Variants in ADAM12 observed in about 807,000 individuals in gnomAD.
ADAM12 encodes the protein ADAM metallopeptidase domain 12.
A neutral mutation model predicts 106.4 loss-of-function variants in ADAM12; 70 were observed. That is an observed-to-expected ratio of 0.66 (90% CI 0.54 to 0.80). The LOEUF is 0.80. Ranked by LOEUF, ADAM12 falls within the 30% of genes least tolerant of loss-of-function variation. ADAM12 has a pLI of 0.00. For synonymous variants in ADAM12, 420 were observed against 433.5 expected (o/e 0.97, Z 0.39); for missense variants, 1,010 against 1,171.9 (o/e 0.86, Z 2.02).
intron 11 of ADAM12, among the ~76,000 whole-genome samples, chr10:126,079,685 G>A (rs1955175373): frequency 1.3e-5 from 2 of 152,172 alleles, no homozygotes; most frequent in Non-Finnish European, 1.5e-5. Context: ...AATAAAAAAT[G>A]CAATCTAGAC....
intron 21 of ADAM12, among the ~76,000 whole-genome samples, chr10:126,022,142 TAGG>T (rs1953779175): frequency 6.6e-6 from 1 of 152,170 alleles, no homozygotes. Context: ...CATGGAAACA[TAGG>T]AGATAGTTAG....
chr10:126,354,638 A>T (rs1855475844), intron 1 of ADAM12, among the ~76,000 whole-genome samples: 1 of 152,228 alleles, frequency 6.6e-6, no homozygotes, highest in African/African-American at 2.4e-5. Context: ...TTAGAGCTTT[A>T]ATGAGAAAAG....
At chr10:126,209,130 G>A (rs557079943) in intron 3 of ADAM12, among the ~76,000 whole-genome samples, 163 of 152,324 alleles carry the variant, frequency 1.1e-3, no homozygotes, top group African/African-American at 3.5e-3. Context: ...AATCTTGGCA[G>A]CAAGCCAAAA....
chr10:126,059,728 A>T (rs890507943), intron 14 of ADAM12, among the ~76,000 whole-genome samples: 2 of 152,230 alleles, frequency 1.3e-5, no homozygotes, highest in Admixed American at 1.3e-4. Flanking sequence ...GAAAAAACTA[A>T]CACATTTCGG....
chr10:126,042,613 G>A (rs1050328766), intron 18 of ADAM12, among the ~76,000 whole-genome samples: 7 of 152,182 alleles, frequency 4.6e-5, no homozygotes, highest in African/African-American at 9.7e-5. Flanking sequence ...CACTGCTGCC[G>A]TGACTGTCAC....
chr10:126,193,444 C>T (rs1352758914), intron 3 of ADAM12, among the ~76,000 whole-genome samples: 1 of 152,080 alleles, frequency 6.6e-6, no homozygotes, highest in Non-Finnish European at 1.5e-5. Flanking sequence ...ATTCCTGCCA[C>T]TGGTCAAATA....
At chr10:126,360,869 C>A (rs1000727124) in intron 1 of ADAM12, among the ~76,000 whole-genome samples, 10 of 152,134 alleles carry the variant, frequency 6.6e-5, no homozygotes, top group Non-Finnish European at 1.5e-5. Flanking sequence ...CAAGACTAGA[C>A]AATTTACAAA....
intron 2 of ADAM12, among the ~76,000 whole-genome samples, chr10:126,285,975 ATTTT>A (rs55733951): frequency 0.3 from 43,273 of 142,164 alleles, 6,332 homozygotes; most frequent in South Asian, 0.39. Context: ...TGATTTCCCT[ATTTT>A]TTTTTTTTTT....
intron 7 of ADAM12, 102 bp downstream of exon 7, chr10:126,109,673 A>G: frequency 1.0e-6 from 1 of 982,420 alleles, no homozygotes; most frequent in Admixed American, 2.2e-5. Context: ...TTAAGAGCAC[A>G]TAGGAAATGA....
At chr10:126,156,696 A>G (rs1956821930) in intron 3 of ADAM12, among the ~76,000 whole-genome samples, 2 of 152,204 alleles carry the variant, frequency 1.3e-5, no homozygotes, top group African/African-American at 4.8e-5. Context: ...AGCATCCTGC[A>G]AGGGAAAGGC....
At chr10:126,171,277 G>T (rs1380444) in intron 3 of ADAM12, among the ~76,000 whole-genome samples, 65,902 of 151,886 alleles carry the variant, frequency 0.43, 14,437 homozygotes, top group African/African-American at 0.46. Flanking sequence ...TTACCTTGTT[G>T]ATTTAATTAA....
In ADAM12 at chr10:126,066,773, A is replaced by G. The variant is rs1362674735; in HGVS notation, c.1357T>C (p.Cys453Arg). Residue 453 changes from cysteine (C) to arginine (R), a missense_variant, in exon 13 of 23, where the codon TGT (cysteine) becomes CGT (arginine). This residue lies in a region of ADAM12 where 615 missense variants were observed against 708.5 expected (regional missense o/e 0.87). Coordinates refer to ENST00000448723, the MANE Select transcript of ADAM12 (RefSeq NM_001288973.2). This position sits in a 1 kb window ranked among gnomAD's most constrained non-coding sequence, Gnocchi z 5.1. ...CACACAGCGTCCGGCTTCAGGGTAC[A>G]GGTGGTGGCATTGCAGCAGCGATTC... ...CMNRCCNATT[C>R]TLKPDAVCAH... is the part of the protein sequence containing the mutation. 6.2e-7 allele frequency: 1 copy of G among 1,614,206 alleles called. No individual in the cohort carries two copies. Among genetic ancestry groups the G allele is most frequent in the Non-Finnish European group, 8.5e-7 (1 of 1,180,014 alleles).
chr10:126,254,598 G>A (rs895205592), intron 3 of ADAM12, among the ~76,000 whole-genome samples: 21 of 152,090 alleles, frequency 1.4e-4, no homozygotes, highest in Non-Finnish European at 2.6e-4. Flanking sequence ...CGGTCCAGGC[G>A]GGAGGCCCTT....
In ADAM12 at chr10:126,335,959, G is replaced by A. The variant is rs370529755; in HGVS notation, c.89-5450C>T. ...ATACCAACCAGTAATCGTCAAAACTGTCAACATCATAAAAAACAAGGACAG... is the reference window on the plus strand; with the variant it reads ...ATACCAACCAGTAATCGTCAAAACTATCAACATCATAAAAAACAAGGACAG... On this transcript the variant is annotated intron_variant, in intron 1 of 22. Transcript: ENST00000448723. Among the ~76,000 whole-genome samples the A allele has an allele frequency of 2.6e-5, 4 of 152,080 alleles. No individual in the cohort carries two copies. In the East Asian group the frequency reaches 7.7e-4, roughly 29 times the overall value.
intron 3 of ADAM12, among the ~76,000 whole-genome samples, chr10:126,176,964 A>T (rs541545517): frequency 7.9e-5 from 12 of 152,310 alleles, no homozygotes; most frequent in African/African-American, 2.6e-4. Flanking sequence ...CCCTGTTTGT[A>T]TACAGCCATA....
intron 18 of ADAM12, 25 bp from the exon 19 acceptor site, chr10:126,039,454 CAGA>C (rs775573787): frequency 1.9e-6 from 3 of 1,613,280 alleles, no homozygotes; most frequent in South Asian, 2.2e-5. Context: ...ATGGGGCTCA[CAGA>C]AGGAGGCAGT....
intron 3 of ADAM12, among the ~76,000 whole-genome samples, chr10:126,235,104 A>G (rs1324114825): frequency 2.0e-5 from 3 of 152,224 alleles, no homozygotes; most frequent in African/African-American, 7.2e-5. Context: ...ACACAAGGCC[A>G]GACTCCTCAC....
At chr10:126,359,212 G>T (rs939839324) in intron 1 of ADAM12, among the ~76,000 whole-genome samples, 1 of 152,114 alleles carries the variant, frequency 6.6e-6, no homozygotes, top group Non-Finnish European at 1.5e-5. Context: ...GATGAGATTT[G>T]GGTGGGGACA....
At chr10:126,044,847 C>G (rs1954273066) in intron 17 of ADAM12, among the ~76,000 whole-genome samples, 1 of 152,216 alleles carries the variant, frequency 6.6e-6, no homozygotes, top group Non-Finnish European at 1.5e-5. Context: ...CCTGTCCCCT[C>G]AAAGATGCTG....
Sources: gnomAD v4.1 joint callset for allele counts (sites outside exome capture counted in the v4.1 genomes callset) on GRCh38, gnomAD v4.1.1 for gene constraint, gnomAD v4.1.1 regional missense constraint, Gnocchi (gnomAD v3.1) non-coding constraint, MANE v1.5 for transcripts, NCBI Gene and HGNC (gene_info 2026-07-23, HGNC 2026-07-21) for gene names.